The following SPIB variants were observed in gnomAD, a reference collection of about 807,000 sequenced individuals.
The protein encoded by SPIB is transcription factor Spi-B.
SPIB carries 7 observed loss-of-function variants against 31.9 expected under a neutral mutation model. That is an observed-to-expected ratio of 0.22 (90% CI 0.12 to 0.41). SPIB has a LOEUF of 0.41. Among genes scored for constraint, SPIB ranks in the 10% least tolerant of loss-of-function variants. The pLI is 1.00. For missense variants in SPIB, 327 were observed against 360.2 expected (o/e 0.91, Z 0.75); for synonymous variants, 176 against 158.9 (o/e 1.11, Z -0.81).
At chr19:50,421,534 G>T (rs1236566719) in intron 2 of SPIB, among the ~76,000 whole-genome samples, 1 of 151,422 alleles carries the variant, frequency 6.6e-6, no homozygotes, top group Non-Finnish European at 1.5e-5. Context: ...TGTTGGCCAG[G>T]CTGGTATCGA....
At chr19:50,421,010 G>A (rs2039487663) in intron 2 of SPIB, among the ~76,000 whole-genome samples, 2 of 152,210 alleles carry the variant, frequency 1.3e-5, no homozygotes, top group Admixed American at 6.5e-5. Context: ...CATGAAGTGT[G>A]TGTCAGTGTT....
chr19:50,425,362 A>AT (rs1384268323), intron 5 of SPIB, among the ~76,000 whole-genome samples: 1 of 152,198 alleles, frequency 6.6e-6, no homozygotes. Flanking sequence ...TAAGTCACCT[A>AT]TTTTAACTTA....
intron 5 of SPIB, among the ~76,000 whole-genome samples, 168 bp from the exon 6 acceptor site, chr19:50,427,870 C>A (rs1209985117): frequency 2.0e-5 from 3 of 148,694 alleles, no homozygotes; most frequent in African/African-American, 5.0e-5. Flanking sequence ...CCCCCCCCCC[C>A]CCCGTGGTGA....
At chr19:50,424,828 A>C (rs535402842) in intron 5 of SPIB, among the ~76,000 whole-genome samples, 1 of 149,662 alleles carries the variant, frequency 6.7e-6, no homozygotes, top group East Asian at 2.1e-4. Context: ...GCATGGTGGT[A>C]CATGCCTGTA....
chr19:50,425,789 C>T (rs574021907), intron 5 of SPIB, among the ~76,000 whole-genome samples: 14 of 152,276 alleles, frequency 9.2e-5, no homozygotes, highest in South Asian at 8.3e-4. Context: ...ATACATGGCA[C>T]GCCTGGAGGC....
chr19:50,422,744 CCT>C, intron 3 of SPIB, 77 bp from the exon 4 acceptor site: 8 of 1,106,950 alleles, frequency 7.2e-6, no homozygotes, highest in Non-Finnish European at 8.0e-6. Flanking sequence ...CCTACAATGG[CCT>C]CTCTGTGCTG....
In SPIB at chr19:50,428,494, A is replaced by T; in HGVS notation, c.*158A>T. 1 of 862,194 alleles carries T rather than the reference A, an allele frequency of 1.2e-6. No homozygotes were observed. Among genetic ancestry groups the T allele is most frequent in the South Asian group, 1.9e-5 (1 of 52,836 alleles). The allele number at this position is 862,194 out of a possible 1,614,324, so 53.4% of individuals were successfully genotyped here. A position where few individuals can be genotyped will look rare whatever the true frequency, so the allele number is the denominator to read the frequency against. ...GAGTGCTGCCCTGCCATAATCCCCA[A>T]GCCCAGCCCGGGCCTGTCTGGGATT... On this transcript the variant is annotated 3_prime_UTR_variant, in exon 6 of 6. Coordinates refer to ENST00000595883, the MANE Select transcript of SPIB (RefSeq NM_003121.5). The surrounding 1 kb of genome is among the most constrained non-coding windows in gnomAD (Gnocchi z 6.5).
intron 2 of SPIB, 63 bp from the exon 3 acceptor site, chr19:50,422,410 G>C (rs2039506917): frequency 6.7e-7 from 1 of 1,490,166 alleles, no homozygotes; most frequent in South Asian, 1.1e-5. Context: ...AAGGGTCCAG[G>C]GTGGGGGTTG....
At chr19:50,419,862 C>T (rs747990943) in intron 1 of SPIB, 84 bp from the exon 2 acceptor site, 30 of 1,411,128 alleles carry the variant, frequency 2.1e-5, no homozygotes, top group Non-Finnish European at 2.6e-5. Context: ...CAGCTGCTGC[C>T]GCCTCCCCAT....
At chr19:50,421,162 G>C (rs2039489393) in intron 2 of SPIB, among the ~76,000 whole-genome samples, 1 of 152,100 alleles carries the variant, frequency 6.6e-6, no homozygotes, top group Non-Finnish European at 1.5e-5. Flanking sequence ...CTGGAACAAG[G>C]CTATTTTGTG....
chr19:50,427,319 G>A (rs1407033632), intron 5 of SPIB, among the ~76,000 whole-genome samples: 1 of 152,164 alleles, frequency 6.6e-6, no homozygotes, highest in Non-Finnish European at 1.5e-5. Flanking sequence ...GAGGCCAGGA[G>A]TTCGAGACCA....
At chr19:50,421,275 T>C (rs1259525958) in intron 2 of SPIB, among the ~76,000 whole-genome samples, 1 of 152,170 alleles carries the variant, frequency 6.6e-6, no homozygotes, top group African/African-American at 2.4e-5. Flanking sequence ...CTCGAGTTCT[T>C]GAAGCAACAA....
At position 50,428,475 on chromosome 19, in the gene SPIB, T is replaced by C. The variant is rs2039599048; in HGVS notation, c.*139T>C. On this transcript the variant is annotated 3_prime_UTR_variant, in exon 6 of 6. Coordinates refer to ENST00000595883, the MANE Select transcript of SPIB (RefSeq NM_003121.5). This position sits in a 1 kb window ranked among gnomAD's most constrained non-coding sequence, Gnocchi z 6.5. ...CCACCTTTTGGGGTAAGGGGAGTGCTGCCCTGCCATAATCCCCAAGCCCAG... is the reference window on the plus strand; with the variant it reads ...CCACCTTTTGGGGTAAGGGGAGTGCCGCCCTGCCATAATCCCCAAGCCCAG... 2.0e-6 allele frequency: 2 copies of C among 992,150 alleles called. No individual in the cohort carries two copies. Among genetic ancestry groups the C allele is most frequent in the Non-Finnish European group, 2.9e-6 (2 of 700,030 alleles). 61.5% of individuals were successfully genotyped at this position (992,150 alleles called of 1,614,324 possible).
intron 4 of SPIB, 32 bp downstream of exon 4, chr19:50,423,069 C>A: frequency 9.1e-7 from 1 of 1,102,596 alleles, no homozygotes; most frequent in African/African-American, 1.5e-5. Context: ...AAAATCAAGC[C>A]CAAACCAGGT....
In SPIB at chr19:50,419,993, G is replaced by A. The variant is rs766402287; in HGVS notation, c.51+20G>A. 13 of 1,453,584 alleles carry A rather than the reference G, an allele frequency of 8.9e-6. No individual in the cohort carries two copies. In the African/African-American group the frequency reaches 1.5e-4, roughly 17 times the overall value. 90.0% of individuals were successfully genotyped at this position (1,453,584 alleles called of 1,614,324 possible). On this transcript the variant is annotated intron_variant, in intron 2 of 5. Transcript: ENST00000595883. The stretch of plus-strand genomic sequence containing the variant: ...TGTCTGGTGAGTTGGGGCCCCTGGG[G>A]GCCAGGGAGGGGTGGCCCACAGTGA...
At position 50,423,668 on chromosome 19, in the gene SPIB, C is replaced by A. The variant is rs771436421; in HGVS notation, c.403C>A (p.Pro135Thr). 2 of 1,614,030 alleles carry A rather than the reference C, an allele frequency of 1.2e-6. No homozygotes were observed. Among genetic ancestry groups the A allele is most frequent in the South Asian group, 2.2e-5 (2 of 91,046 alleles). The change falls in exon 5 of 6, where the codon CCG becomes ACG. Residue 135 changes from proline (P) to threonine (T), a missense_variant. Around this residue, in one of 4 missense-constraint regions of SPIB, gnomAD observed 238 missense variants for 228.8 expected, o/e 1.04. Transcript: ENST00000595883. ...SPVLSEEEDL[P>T]LDSPALEVSD... ...TGTGCTATCAGAGGAGGAAGACTTA[C>A]CGTTGGACAGCCCTGCCCTGGAGGT...
rs1224243560 is a variant in SPIB at position 50,428,014 on chromosome 19, C to T, written c.491-24C>T. 4.1e-6 allele frequency: 6 copies of T among 1,480,208 alleles called. No individual in the cohort carries two copies. Among genetic ancestry groups the T allele is most frequent in the East Asian group, 5.0e-5 (2 of 40,108 alleles). 91.7% of individuals were successfully genotyped at this position (1,480,208 alleles called of 1,614,324 possible). A position where few individuals can be genotyped will look rare whatever the true frequency, so the allele number is the denominator to read the frequency against. ...GGGGCCTTAGGGACCCCTCACCTAA[C>T]GCGTGCCCCCGACCCCACCGCAGGG... is the stretch of plus-strand genomic sequence containing the variant. On this transcript the variant is annotated intron_variant, in intron 5 of 5. Coordinates refer to ENST00000595883, the MANE Select transcript of SPIB (RefSeq NM_003121.5). This position sits in a 1 kb window ranked among gnomAD's most constrained non-coding sequence, Gnocchi z 6.5.
intron 5 of SPIB, among the ~76,000 whole-genome samples, chr19:50,424,146 G>C (rs937046146): frequency 6.6e-6 from 1 of 152,098 alleles, no homozygotes; most frequent in Non-Finnish European, 1.5e-5. Context: ...CCCCCTGCCC[G>C]TGTGCCCAAC....
In SPIB at chr19:50,423,024, A is replaced by G; in HGVS notation, c.326A>G (p.Asn109Ser). 6.8e-7 allele frequency: 1 copy of G among 1,472,596 alleles called. No homozygotes were observed. Among genetic ancestry groups the G allele is most frequent in the Middle Eastern group, 2.2e-4 (1 of 4,568 alleles). The allele number at this position is 1,472,596 out of a possible 1,614,324, so 91.2% of individuals were successfully genotyped here. Residue 109 changes from asparagine to serine, a missense_variant, in exon 4 of 6, where the codon AAC becomes AGC. Transcript: ENST00000595883. ...GPGLPAYPTE[N>S]FASQTLVPPA... The stretch of plus-strand genomic sequence containing the variant: ...GGCCTCCCTGCATACCCCACGGAGA[A>G]CTTCGCTAGCCAGGTGAGTGGTAAG...
Sources: allele counts gnomAD v4.1 joint callset (sites outside exome capture counted in the v4.1 genomes callset), GRCh38; gene constraint gnomAD v4.1.1; regional missense constraint gnomAD v4.1.1; non-coding constraint Gnocchi (gnomAD v3.1); transcripts MANE v1.5; gene names NCBI Gene and HGNC (gene_info 2026-07-23, HGNC 2026-07-21).